ADAMTS20: variants seen among roughly 807,000 people sequenced by gnomAD.
The protein encoded by ADAMTS20 is ADAM metallopeptidase with thrombospondin type 1 motif 20.
ADAMTS20 carries 225 observed loss-of-function variants against 260.1 expected under a neutral mutation model. The ratio of observed to expected loss-of-function variants is 0.87; its 90% CI spans 0.78 to 0.97. ADAMTS20 has a LOEUF of 0.97. ADAMTS20 is among the 50% of genes least tolerant of loss of function. The pLI, the probability that ADAMTS20 is intolerant of heterozygous loss-of-function variation, is 0.00. For synonymous variants in ADAMTS20, 802 were observed against 769.5 expected (o/e 1.04, Z -0.70); for missense variants, 2,400 against 2,337.7 (o/e 1.03, Z -0.55).
chr12:43,471,342 C>T (rs1399070342), intron 7 of ADAMTS20, among the ~76,000 whole-genome samples: 3 of 147,934 alleles, frequency 2.0e-5, no homozygotes, highest in Non-Finnish European at 3.0e-5. Context: ...CCTACGCCCA[C>T]GGAGTCTCGC....
intron 23 of ADAMTS20, among the ~76,000 whole-genome samples, chr12:43,430,124 G>A (rs1286952317): frequency 6.7e-6 from 1 of 150,272 alleles, no homozygotes; most frequent in Non-Finnish European, 1.5e-5. Flanking sequence ...AAATGAGTGA[G>A]CCCTTAGCAG....
At chr12:43,513,840 T>G (rs1942958124) in intron 3 of ADAMTS20, among the ~76,000 whole-genome samples, 1 of 146,444 alleles carries the variant, frequency 6.8e-6, no homozygotes, top group African/African-American at 2.5e-5. Context: ...ATGTTCTCAC[T>G]CATAGGTAGG....
At chr12:43,523,412 T>G (rs1021937883) in intron 3 of ADAMTS20, among the ~76,000 whole-genome samples, 2 of 151,414 alleles carry the variant, frequency 1.3e-5, no homozygotes, top group Non-Finnish European at 2.9e-5. Flanking sequence ...AAATGAATTT[T>G]GTGATATAAC....
chr12:43,443,744 A>G lies in ADAMTS20; in HGVS notation c.2290+47T>C, dbSNP rs144735343. On this transcript the variant is annotated intron_variant, in intron 16 of 38. Transcript: ENST00000389420. ...CACATCAACTACAGACTTCCATGAA[A>G]TTGCACATAAGCCACATACTGGCTG... is the stretch of plus-strand genomic sequence containing the variant. 4.1e-3 allele frequency: 5,971 copies of G among 1,454,980 alleles called. 23 individuals are homozygous for G. Among genetic ancestry groups the G allele is most frequent in the Non-Finnish European group, 5.2e-3 (5,442 of 1,038,506 alleles). The allele number at this position is 1,454,980 out of a possible 1,614,324, so 90.1% of individuals were successfully genotyped here. A position where few individuals can be genotyped will look rare whatever the true frequency, so the allele number is the denominator to read the frequency against.
Position 43,376,168 on chromosome 12 carries a change from A to G in ADAMTS20, c.5221-20T>C, listed in dbSNP as rs757516762. The G allele has an allele frequency of 5.1e-6, 8 of 1,572,168 alleles. No homozygotes were observed. Among genetic ancestry groups the G allele is most frequent in the Non-Finnish European group, 6.9e-6 (8 of 1,160,516 alleles). ...ATAAATCTAAAGAAAAAATGTAAACATCTAGAAAAACTTTTTCCAAAGTCA... is the reference window on the plus strand; with the variant it reads ...ATAAATCTAAAGAAAAAATGTAAACGTCTAGAAAAACTTTTTCCAAAGTCA... On this transcript the variant is annotated intron_variant, in intron 34 of 38. Transcript: ENST00000389420.
chr12:43,437,474 C>A (rs11182074), intron 18 of ADAMTS20, among the ~76,000 whole-genome samples: 10,754 of 152,042 alleles, frequency 0.071, 588 homozygotes, highest in Non-Finnish European at 0.095. Flanking sequence ...TTTCATACCA[C>A]TAGAATTAAA....
intron 11 of ADAMTS20, among the ~76,000 whole-genome samples, chr12:43,455,134 T>C (rs181782374): frequency 1.6e-4 from 25 of 152,300 alleles, no homozygotes; most frequent in African/African-American, 5.8e-4. Flanking sequence ...GTTCATACAA[T>C]TGGAATCATA....
At chr12:43,369,644 A>C (rs1940064117) in intron 36 of ADAMTS20, among the ~76,000 whole-genome samples, 1 of 152,158 alleles carries the variant, frequency 6.6e-6, no homozygotes, top group South Asian at 2.1e-4. Context: ...AAGAGTTAAA[A>C]CGAAATAAAT....
chr12:43,381,618 C>CAA lies in ADAMTS20; in HGVS notation c.4797+1938_4797+1939dup, dbSNP rs142351546. On this transcript the variant is annotated intron_variant, in intron 31 of 38. Transcript: ENST00000389420. ...GCAACACAGGGAGACCCCATCTCTA[C>CAA]AAAAAAAAAAAAAAAAGCTAGAGAT... Among the ~76,000 whole-genome samples the CAA allele has an allele frequency of 3.4e-3, 354 of 102,676 alleles. 5 individuals carry two copies. Among genetic ancestry groups the CAA allele is most frequent in the East Asian group, 0.027 (104 of 3,798 alleles). The allele number at this position is 102,676 out of a possible 152,430, so 67.4% of individuals were successfully genotyped here.
chr12:43,429,762 TA>T, intron 23 of ADAMTS20, 38 bp from the exon 24 acceptor site: 1 of 1,302,498 alleles, frequency 7.7e-7, no homozygotes, highest in Non-Finnish European at 1.1e-6. Flanking sequence ...AAACATTAAT[TA>T]ATGACTGATT....
In ADAMTS20 at chr12:43,369,347, T is replaced by C; in HGVS notation, c.5481A>G (p.Gly1827=). ...CAGCTGTGGCAAATGGAACTGCATT[T>C]CCAAATATTGTTTTGGAAAAAAGAA... ...TDLLFSKTIF[G]NAVPFATAGD... The change falls in exon 37 of 39, where the codon GGA becomes GGG. Residue 1827 remains glycine, a synonymous_variant. Coordinates refer to ENST00000389420, the MANE Select transcript of ADAMTS20 (RefSeq NM_025003.5). 1 of 1,563,322 alleles carries C rather than the reference T, an allele frequency of 6.4e-7. No individual in the cohort carries two copies. Among genetic ancestry groups the C allele is most frequent in the Non-Finnish European group, 8.7e-7 (1 of 1,155,988 alleles).
chr12:43,385,829 G>A (rs983038747), intron 29 of ADAMTS20, among the ~76,000 whole-genome samples: 3 of 151,954 alleles, frequency 2.0e-5, no homozygotes, highest in Non-Finnish European at 2.9e-5. Context: ...CCTCAATTTC[G>A]GAATTTGTTA....
chr12:43,449,018 G>A (rs922799581), intron 14 of ADAMTS20, among the ~76,000 whole-genome samples: 32 of 152,092 alleles, frequency 2.1e-4, no homozygotes, highest in South Asian at 1.2e-3. Context: ...AAAAGAGAAC[G>A]GTTATACACC....
chr12:43,436,046 T>C (rs956566328), intron 18 of ADAMTS20, among the ~76,000 whole-genome samples: 2 of 151,466 alleles, frequency 1.3e-5, no homozygotes, highest in Admixed American at 6.6e-5. Context: ...GAAATGACTA[T>C]GAGAAATTCT....
intron 36 of ADAMTS20, among the ~76,000 whole-genome samples, chr12:43,373,985 T>C (rs1360369775): frequency 6.6e-6 from 1 of 151,862 alleles, no homozygotes; most frequent in African/African-American, 2.4e-5. Context: ...GGCCGAAATA[T>C]CATCTCTTAA....
intron 3 of ADAMTS20, among the ~76,000 whole-genome samples, chr12:43,510,950 C>A (rs1011594774): frequency 6.6e-6 from 1 of 152,050 alleles, no homozygotes; most frequent in African/African-American, 2.4e-5. Flanking sequence ...ATTTTCTTCT[C>A]CCATACAAAG....
chr12:43,376,533 C>T lies in ADAMTS20; in HGVS notation c.5116G>A (p.Ala1706Thr). ...GAAGTCTACTACTTACAGTCATTGG[C>T]ATAACATTTCTTTTGAGCACCTGGT... Reference protein sequence around the residue: ...LKPGAQKKCYANDCKSFTTCK... With the variant: ...LKPGAQKKCYTNDCKSFTTCK... Residue 1706 changes from alanine (A) to threonine (T), a missense_variant, in exon 33 of 39, where the codon GCC becomes ACC. Transcript: ENST00000389420. 2 of 1,611,964 alleles carry T rather than the reference C, an allele frequency of 1.2e-6. No homozygotes were observed. Among genetic ancestry groups the T allele is most frequent in the Non-Finnish European group, 1.7e-6 (2 of 1,179,342 alleles).
intron 3 of ADAMTS20, among the ~76,000 whole-genome samples, chr12:43,503,456 G>A (rs1295587085): frequency 1.3e-5 from 2 of 151,964 alleles, no homozygotes; most frequent in Non-Finnish European, 2.9e-5. Context: ...AAGTACGAAT[G>A]TAATCCTATG....
intron 3 of ADAMTS20, among the ~76,000 whole-genome samples, chr12:43,522,299 G>A (rs1368165467): frequency 6.6e-6 from 1 of 152,154 alleles, no homozygotes; most frequent in Non-Finnish European, 1.5e-5. Flanking sequence ...AACAGCATAA[G>A]GGAAGCCACT....
Sources: allele counts gnomAD v4.1 joint callset (sites outside exome capture counted in the v4.1 genomes callset), GRCh38; gene constraint gnomAD v4.1.1; transcripts MANE v1.5; gene names NCBI Gene and HGNC (gene_info 2026-07-23, HGNC 2026-07-21).